The following PTPRG variants were observed in gnomAD, a reference collection of about 807,000 sequenced individuals.
PTPRG encodes the protein receptor-type tyrosine-protein phosphatase gamma.
Under a neutral mutation model 165.3 loss-of-function variants are expected in PTPRG, and 102 were observed. The ratio of observed to expected loss-of-function variants is 0.62; its 90% CI spans 0.53 to 0.73. The LOEUF (loss-of-function observed/expected upper bound fraction) is 0.73. Ranked by LOEUF, PTPRG falls within the 30% of genes least tolerant of loss-of-function variation. PTPRG has a pLI of 0.00. For missense variants in PTPRG, 1,866 were observed against 1,861.4 expected, an observed-to-expected ratio of 1.00 and a Z score of -0.05; for synonymous variants, 675 against 669.5, an observed-to-expected ratio of 1.01 and a Z score of -0.13.
intron 2 of PTPRG, among the ~76,000 whole-genome samples, chr3:61,767,676 G>C (rs659818): frequency 6.6e-6 from 1 of 152,134 alleles, no homozygotes. Flanking sequence ...TAAGATGAAT[G>C]TTTTATATTT....
intron 1 of PTPRG, among the ~76,000 whole-genome samples, chr3:61,681,418 G>A (rs1486625103): frequency 6.6e-6 from 1 of 152,270 alleles, no homozygotes; most frequent in East Asian, 1.9e-4. Context: ...ATTTACAGTG[G>A]GGTATTGGTC....
chr3:61,596,877 A>C (rs907671975), intron 1 of PTPRG, among the ~76,000 whole-genome samples: 4 of 152,180 alleles, frequency 2.6e-5, no homozygotes, highest in Admixed American at 6.5e-5. Flanking sequence ...TATGCAGCTT[A>C]ACCTATATTT....
chr3:61,799,172 G>A (rs1324928192), intron 2 of PTPRG, among the ~76,000 whole-genome samples: 1 of 151,976 alleles, frequency 6.6e-6, no homozygotes, highest in Non-Finnish European at 1.5e-5. Context: ...ATTCTATTAT[G>A]AAAATAAAGA....
chr3:62,097,049 G>A (rs1348818157), intron 5 of PTPRG, among the ~76,000 whole-genome samples: 1 of 152,046 alleles, frequency 6.6e-6, no homozygotes, highest in Non-Finnish European at 1.5e-5. Context: ...GACAACATTA[G>A]CAACCCACTG....
intron 2 of PTPRG, among the ~76,000 whole-genome samples, chr3:61,775,915 CG>C (rs1166549716): frequency 2.4e-5 from 1 of 41,050 alleles, no homozygotes; most frequent in Non-Finnish European, 4.4e-5. Context: ...CATCATACAC[CG>C]GGGGCTGTTG....
At chr3:61,696,444 T>C (rs571914482) in intron 1 of PTPRG, among the ~76,000 whole-genome samples, 3 of 152,240 alleles carry the variant, frequency 2.0e-5, no homozygotes, top group South Asian at 2.1e-4. Flanking sequence ...GAAGGTTGCA[T>C]TGAGCTGAGA....
At chr3:61,860,434 C>CTTTTTTTTTTTT (rs766688465) in intron 2 of PTPRG, among the ~76,000 whole-genome samples, 10 of 95,554 alleles carry the variant, frequency 1.0e-4, no homozygotes, top group African/African-American at 2.3e-4. Flanking sequence ...GTTTTTGTTC[C>CTTTTTTTTTTTT]TTTTTTTTTT....
At chr3:61,951,698 C>G (rs1407747206) in intron 2 of PTPRG, among the ~76,000 whole-genome samples, 1 of 152,160 alleles carries the variant, frequency 6.6e-6, no homozygotes, top group Non-Finnish European at 1.5e-5. Flanking sequence ...TTCTTCTTGG[C>G]AACAATTGAC....
chr3:62,181,280 C>G (rs1705638392), intron 8 of PTPRG, among the ~76,000 whole-genome samples: 1 of 152,174 alleles, frequency 6.6e-6, no homozygotes, highest in Non-Finnish European at 1.5e-5. Flanking sequence ...CCAGATCCAC[C>G]CCGGGATAAA....
intron 1 of PTPRG, among the ~76,000 whole-genome samples, chr3:61,607,341 T>C (rs1416759977): frequency 6.6e-6 from 1 of 152,144 alleles, no homozygotes; most frequent in East Asian, 1.9e-4. Flanking sequence ...ATACTTAGAA[T>C]ATTGTCCCGA....
rs765346594 is a variant in PTPRG, at chr3:62,269,044, G to C, written c.2884G>C (p.Asp962His). 13 of 1,559,630 alleles carry C rather than the reference G, an allele frequency of 8.3e-6. No individual in the cohort carries two copies. Among genetic ancestry groups the C allele is most frequent in the Admixed American group, 7.0e-5 (4 of 57,068 alleles). The change falls in exon 20 of 30, where the codon GAT becomes CAT. Residue 962 changes from aspartate to histidine, a missense_variant. By Grantham distance (81) the Asp-to-His change is moderately conservative. This residue lies in a region of PTPRG where 1,452 missense variants were observed against 1,463.0 expected (regional missense o/e 0.99). Coordinates refer to ENST00000474889, the MANE Select transcript of PTPRG (RefSeq NM_002841.4). The stretch of plus-strand genomic sequence containing the variant: ...TTTTTTCTTTCTGCAGCGAAAATGT[G>C]ATCAGTATTGGCCAACAGAGAACAG... ...NLVEKGRRKCDQYWPTENSEE... is the reference protein window; with the variant it reads ...NLVEKGRRKCHQYWPTENSEE...
At chr3:62,134,293 G>A (rs1020664580) in intron 6 of PTPRG, among the ~76,000 whole-genome samples, 2 of 152,184 alleles carry the variant, frequency 1.3e-5, no homozygotes, top group Non-Finnish European at 2.9e-5. Context: ...TACAAAGGAA[G>A]TTCACTTATT....
intron 1 of PTPRG, among the ~76,000 whole-genome samples, chr3:61,662,963 G>C (rs1702707656): frequency 6.6e-6 from 1 of 152,106 alleles, no homozygotes; most frequent in Admixed American, 6.5e-5. Context: ...CTTCCGATAT[G>C]ACTGTTTTCT....
intron 12 of PTPRG, among the ~76,000 whole-genome samples, chr3:62,204,672 G>C (rs987722125): frequency 6.6e-6 from 1 of 152,216 alleles, no homozygotes; most frequent in African/African-American, 2.4e-5. Context: ...AGAATGAAAG[G>C]CTTCAGCCTG....
chr3:62,088,447 C>G (rs1044430043), intron 5 of PTPRG, among the ~76,000 whole-genome samples: 2 of 152,222 alleles, frequency 1.3e-5, no homozygotes, highest in African/African-American at 4.8e-5. Flanking sequence ...CCTAAGAACT[C>G]CAGTAGTCCC....
intron 19 of PTPRG, among the ~76,000 whole-genome samples, chr3:62,268,242 A>T (rs1045619159): frequency 3.9e-5 from 6 of 152,128 alleles, no homozygotes; most frequent in African/African-American, 1.4e-4. Flanking sequence ...ACTAATAGTT[A>T]AGATTGGGGG....
chr3:62,264,898 C>T (rs1253255521), intron 17 of PTPRG, among the ~76,000 whole-genome samples: 1 of 151,284 alleles, frequency 6.6e-6, no homozygotes, highest in East Asian at 1.9e-4. Flanking sequence ...ATTCATTTTA[C>T]GTTCCCACCA....
intron 2 of PTPRG, among the ~76,000 whole-genome samples, chr3:61,955,870 C>G (rs956054888): frequency 6.6e-6 from 1 of 152,032 alleles, no homozygotes; most frequent in African/African-American, 2.4e-5. Flanking sequence ...AATAAAAATA[C>G]TTTGTTTCAT....
At chr3:62,116,169 A>C (rs1398428629) in intron 5 of PTPRG, among the ~76,000 whole-genome samples, 1 of 152,068 alleles carries the variant, frequency 6.6e-6, no homozygotes, top group Non-Finnish European at 1.5e-5. Flanking sequence ...GGTCTGCCCA[A>C]CTCTTAAAGT....
Sources: allele counts gnomAD v4.1 joint callset (sites outside exome capture counted in the v4.1 genomes callset), GRCh38; gene constraint gnomAD v4.1.1; regional missense constraint gnomAD v4.1.1; transcripts MANE v1.5; gene names NCBI Gene and HGNC (gene_info 2026-07-23, HGNC 2026-07-21).